The following IL1RAPL1 variants were observed in gnomAD, a reference collection of about 807,000 sequenced individuals.
IL1RAPL1 encodes interleukin-1 receptor accessory protein-like 1.
A neutral mutation model predicts 48.4 loss-of-function variants in IL1RAPL1; 3 were observed. The ratio of observed to expected loss-of-function variants is 0.06; its 90% CI spans 0.03 to 0.16. The LOEUF is 0.16. Ranked by LOEUF, IL1RAPL1 falls within the 10% of genes least tolerant of loss-of-function variation. The pLI, the probability that IL1RAPL1 is intolerant of heterozygous loss-of-function variation, is 1.00. For missense variants in IL1RAPL1, 349 were observed against 530.6 expected (o/e 0.66, Z 3.36); for synonymous variants, 185 against 187.7 (o/e 0.99, Z 0.12).
At chrX:29,309,957 G>A (rs1257800272) in intron 3 of IL1RAPL1, among the ~76,000 whole-genome samples, 1 of 107,791 alleles carries the variant, frequency 9.3e-6, no homozygotes, top group Non-Finnish European at 1.9e-5. Flanking sequence ...AGCCGAGCAT[G>A]GTGGCGGGCG....
chrX:29,159,689 C>A (rs759598773), intron 2 of IL1RAPL1, among the ~76,000 whole-genome samples: 5 of 111,905 alleles, frequency 4.5e-5, no homozygotes, highest in Non-Finnish European at 9.4e-5. Context: ...CATAAATCTA[C>A]TCTAGGATTA....
intron 1 of IL1RAPL1, among the ~76,000 whole-genome samples, chrX:28,620,492 C>A (rs1319387984): frequency 9.0e-6 from 1 of 110,998 alleles, no homozygotes; most frequent in Admixed American, 9.6e-5. Flanking sequence ...CTCCTCTGGG[C>A]GATGGTGAGG....
chrX:29,599,237 ATTTG>A (rs1923644662), intron 5 of IL1RAPL1, among the ~76,000 whole-genome samples: 1 of 111,924 alleles, frequency 8.9e-6, no homozygotes, highest in Admixed American at 9.5e-5. Flanking sequence ...TTCCTTCAGC[ATTTG>A]TTTGTCTGGA....
intron 5 of IL1RAPL1, among the ~76,000 whole-genome samples, chrX:29,634,221 G>C (rs1924891094): frequency 9.0e-6 from 1 of 111,514 alleles, no homozygotes; most frequent in Non-Finnish European, 1.9e-5. Flanking sequence ...TGGATTCAGG[G>C]GTAAAGGCTG....
chrX:29,624,654 G>A (rs1569130934), intron 5 of IL1RAPL1, among the ~76,000 whole-genome samples: 1 of 108,220 alleles, frequency 9.2e-6, no homozygotes, highest in Non-Finnish European at 1.9e-5. Context: ...GGCAACGTGG[G>A]GGAAACCCTG....
intron 1 of IL1RAPL1, among the ~76,000 whole-genome samples, chrX:28,711,949 A>T (rs916777128): frequency 9.0e-6 from 1 of 110,871 alleles, no homozygotes; most frequent in Non-Finnish European, 1.9e-5. Flanking sequence ...ATGGATATTG[A>T]TGTTCTTATA....
intron 6 of IL1RAPL1, among the ~76,000 whole-genome samples, chrX:29,858,891 A>G (rs1158615673): frequency 9.0e-6 from 1 of 110,541 alleles, no homozygotes; most frequent in African/African-American, 3.3e-5. Flanking sequence ...TCCAAATTCC[A>G]CTGAAATGTT....
At chrX:28,659,016 T>G in intron 1 of IL1RAPL1, 1 of 258,190 alleles carries the variant, frequency 3.9e-6, no homozygotes, top group Non-Finnish European at 6.5e-6. Flanking sequence ...AAGAAGAGAC[T>G]TTTTTTTTTT....
chrX:29,327,956 T>G (rs1439957728), intron 3 of IL1RAPL1, among the ~76,000 whole-genome samples: 2 of 112,227 alleles, frequency 1.8e-5, no homozygotes, highest in African/African-American at 6.5e-5. Context: ...TAGGCTAGGT[T>G]TGACCTGCAG....
chrX:29,822,694 T>C (rs1027650819), intron 6 of IL1RAPL1, among the ~76,000 whole-genome samples: 1 of 111,417 alleles, frequency 9.0e-6, no homozygotes, highest in African/African-American at 3.3e-5. Flanking sequence ...AAGGCAAGGA[T>C]TGGGTTTTAT....
chrX:29,322,181 TTTTC>T (rs904790569), intron 3 of IL1RAPL1, among the ~76,000 whole-genome samples: 1 of 108,456 alleles, frequency 9.2e-6, no homozygotes, highest in African/African-American at 3.3e-5. Flanking sequence ...TTTCTTTCTC[TTTTC>T]TTTCTCTTTT....
intron 6 of IL1RAPL1, among the ~76,000 whole-genome samples, chrX:29,750,712 T>A (rs1928437318): frequency 8.9e-6 from 1 of 111,891 alleles, no homozygotes; most frequent in Non-Finnish European, 1.9e-5. Context: ...CCAATTAGAA[T>A]CTACTTAGAT....
At chrX:29,337,701 G>A (rs1602181311) in intron 3 of IL1RAPL1, among the ~76,000 whole-genome samples, 1 of 111,419 alleles carries the variant, frequency 9.0e-6, no homozygotes, top group East Asian at 2.8e-4. Context: ...TTGAGATGGA[G>A]TCTCACTCTG....
intron 2 of IL1RAPL1, among the ~76,000 whole-genome samples, chrX:28,984,201 A>T (rs945053056): frequency 2.7e-5 from 3 of 111,933 alleles, no homozygotes; most frequent in African/African-American, 6.5e-5. Flanking sequence ...AACTGACCTG[A>T]TGCTGAATTT....
intron 3 of IL1RAPL1, among the ~76,000 whole-genome samples, chrX:29,356,444 A>T (rs1363053624): frequency 1.2e-5 from 1 of 80,382 alleles, no homozygotes; most frequent in Non-Finnish European, 2.5e-5. Flanking sequence ...TTTACTAAGC[A>T]CTATGTTTTA....
intron 1 of IL1RAPL1, among the ~76,000 whole-genome samples, chrX:28,690,254 G>A (rs1381219388): frequency 8.9e-6 from 1 of 111,776 alleles, no homozygotes; most frequent in African/African-American, 3.3e-5. Flanking sequence ...GGCTTCCGGG[G>A]TCTGTTAATC....
chrX:29,264,067 C>G (rs901956547), intron 2 of IL1RAPL1, among the ~76,000 whole-genome samples: 2 of 110,641 alleles, frequency 1.8e-5, no homozygotes, highest in Non-Finnish European at 3.8e-5. Flanking sequence ...TACACACATG[C>G]ACTATATATA....
chrX:29,927,435 A>T (rs1200921191), intron 8 of IL1RAPL1, among the ~76,000 whole-genome samples: 1 of 111,738 alleles, frequency 8.9e-6, no homozygotes, highest in Admixed American at 9.5e-5. Flanking sequence ...ACAGTGGTTC[A>T]TTGCCCTCAC....
chrX:28,775,070 CTTA>C (rs1936348898), intron 1 of IL1RAPL1, among the ~76,000 whole-genome samples: 2 of 111,958 alleles, frequency 1.8e-5, no homozygotes, highest in African/African-American at 6.5e-5. Flanking sequence ...AGCCTTCTAC[CTTA>C]TTAATATCTT....
Sources: allele counts gnomAD v4.1 joint callset (sites outside exome capture counted in the v4.1 genomes callset), GRCh38; gene constraint gnomAD v4.1.1; transcripts MANE v1.5; gene names NCBI Gene and HGNC (gene_info 2026-07-23, HGNC 2026-07-21).